POU3F3: variants seen among roughly 807,000 people sequenced by gnomAD.
POU3F3 encodes POU domain, class 3, transcription factor 3.
In POU3F3, 1 loss-of-function variant was observed where a neutral mutation model predicts 8.6. That is an observed-to-expected ratio of 0.12 (90% CI 0.04 to 0.55). The LOEUF (loss-of-function observed/expected upper bound fraction) is 0.55, where lower values mean the gene tolerates loss of function less well. POU3F3 is among the 20% of genes least tolerant of loss of function. POU3F3 has a pLI of 0.91. For missense variants in POU3F3, 577 were observed against 690.7 expected, an observed-to-expected ratio of 0.84 and a Z score of 1.84; for synonymous variants, 418 against 327.4, an observed-to-expected ratio of 1.28 and a Z score of -2.99.
the POU3F3 span, among the ~76,000 whole-genome samples, chr2:104,879,863 T>C: frequency 1.3e-5 from 2 of 152,282 alleles, no homozygotes; most frequent in South Asian, 4.1e-4. Context: ...ACCACGTGGT[T>C]CTTTGGGGAA....
the POU3F3 span, among the ~76,000 whole-genome samples, chr2:104,922,392 C>CAAAAAAAAAAAA: frequency 1.4e-5 from 1 of 71,012 alleles, no homozygotes; most frequent in Non-Finnish European, 2.8e-5. Context: ...TGAAGATGCT[C>CAAAAAAAAAAAA]AAAAAAAAAA....
At chr2:104,919,734 C>T in the POU3F3 span, among the ~76,000 whole-genome samples, 1 of 152,206 alleles carries the variant, frequency 6.6e-6, no homozygotes, top group African/African-American at 2.4e-5. Flanking sequence ...ACCATTTACC[C>T]TCTCCTCTTC....
downstream of POU3F3, among the ~76,000 whole-genome samples, chr2:104,860,660 C>A (rs1465537891): frequency 2.6e-5 from 4 of 151,870 alleles, no homozygotes; most frequent in Non-Finnish European, 1.5e-5. Flanking sequence ...TCCAAGCCTC[C>A]GTCGCTCCCA....
At chr2:104,868,316 A>T in the POU3F3 span, 3 of 456,736 alleles carry the variant, frequency 6.6e-6, no homozygotes, top group South Asian at 4.6e-5. Flanking sequence ...GAGCAGGTGC[A>T]AGAACAGTGC....
the POU3F3 span, chr2:104,865,354 A>G: frequency 6.6e-6 from 1 of 152,240 alleles, no homozygotes; most frequent in African/African-American, 2.4e-5. Context: ...GTATGTCTGG[A>G]GCTTTGTAAG....
the POU3F3 span, among the ~76,000 whole-genome samples, chr2:104,895,943 C>T: frequency 1.2e-4 from 18 of 152,200 alleles, no homozygotes; most frequent in Non-Finnish European, 1.3e-4. Context: ...TCTAGAGTCA[C>T]CTCCAAGAAG....
chr2:104,855,633 G>A lies in POU3F3; in HGVS notation c.123G>A (p.Gly41=). Residue 41 remains glycine, a synonymous_variant, in exon 1 of 1, where the codon GGG becomes GGA. Coordinates refer to ENST00000361360, the MANE Select transcript of POU3F3 (RefSeq NM_006236.3). ...GGGGTGGCGGCGGCGGCGGCGGCGG[G>A]GGCGGCGCAGGGGGCGGGGGCGGCG... ...GGGGGGGGGG[G]GGAGGGGGGM... 3 of 966,690 alleles carry A rather than the reference G, an allele frequency of 3.1e-6. No homozygotes were observed. The highest frequency in any genetic ancestry group is 3.7e-6 in the Non-Finnish European group (3 of 817,840). 59.9% of individuals were successfully genotyped at this position (966,690 alleles called of 1,614,324 possible).
the POU3F3 span, chr2:104,872,620 C>T: frequency 3.9e-6 from 1 of 258,794 alleles, no homozygotes; most frequent in Non-Finnish European, 7.5e-6. The surrounding 1 kb of genome is among the most constrained non-coding windows in gnomAD (Gnocchi z 4.6). Flanking sequence ...TCGGCGCGCG[C>T]GGAAACCCAG....
the POU3F3 span, among the ~76,000 whole-genome samples, chr2:104,882,570 TCTTC>T: frequency 1.3e-5 from 2 of 152,192 alleles, no homozygotes; most frequent in Non-Finnish European, 2.9e-5. Context: ...ACTGTGCTTT[TCTTC>T]CTTCAGCCTC....
chr2:104,908,288 G>A, the POU3F3 span, among the ~76,000 whole-genome samples: 1 of 152,112 alleles, frequency 6.6e-6, no homozygotes, highest in Admixed American at 6.5e-5. Context: ...AAAATGCTTT[G>A]GGATGAGTAC....
chr2:104,882,562 T>C, the POU3F3 span, among the ~76,000 whole-genome samples: 1 of 152,206 alleles, frequency 6.6e-6, no homozygotes, highest in Non-Finnish European at 1.5e-5. Context: ...TATTTTTAAC[T>C]GTGCTTTTCT....
the POU3F3 span, among the ~76,000 whole-genome samples, chr2:104,896,058 C>A: frequency 6.6e-6 from 1 of 152,088 alleles, no homozygotes; most frequent in African/African-American, 2.4e-5. Context: ...GAAGCCTGAG[C>A]GGCAGGGAGC....
chr2:104,892,240 A>T, the POU3F3 span, among the ~76,000 whole-genome samples: 1 of 152,150 alleles, frequency 6.6e-6, no homozygotes, highest in East Asian at 1.9e-4. Flanking sequence ...ATGGCCCATC[A>T]CAGAGAGAGC....
chr2:104,860,880 A>G (rs1364289636), downstream of POU3F3, among the ~76,000 whole-genome samples: 2 of 145,888 alleles, frequency 1.4e-5, no homozygotes, highest in Non-Finnish European at 3.0e-5. Context: ...GTGTTTGCTC[A>G]TGACCATGCT....
chr2:104,856,140 C>T lies in POU3F3; in HGVS notation c.630C>T (p.Ala210=). The T allele has an allele frequency of 9.9e-6, 12 of 1,216,080 alleles. No individual in the cohort carries two copies. The South Asian group carries it at 1.8e-4, about 18-fold the overall frequency. 75.3% of individuals were successfully genotyped at this position (1,216,080 alleles called of 1,614,324 possible). A position where few individuals can be genotyped will look rare whatever the true frequency, so the allele number is the denominator to read the frequency against. The part of the protein sequence containing the change: ...AAAAAHLPSM[A]GGQQPPPQSL... ...CCGCCGCGCACCTCCCGTCCATGGC[C>T]GGGGGCCAGCAGCCGCCGCCGCAGA... The change falls in exon 1 of 1, where the codon GCC becomes GCT. Residue 210 remains alanine, a synonymous_variant. Transcript: ENST00000361360.
chr2:104,882,506 C>T, the POU3F3 span, among the ~76,000 whole-genome samples: 1 of 152,118 alleles, frequency 6.6e-6, no homozygotes, highest in African/African-American at 2.4e-5. Context: ...CCCGCCTCGG[C>T]TTCCGAAAGT....
chr2:104,920,030 T>C, the POU3F3 span, among the ~76,000 whole-genome samples: 1 of 152,194 alleles, frequency 6.6e-6, no homozygotes, highest in South Asian at 2.1e-4. Context: ...TTTATTATTA[T>C]TTGAGATGGA....
the POU3F3 span, among the ~76,000 whole-genome samples, chr2:104,895,458 C>T: frequency 1.3e-5 from 2 of 152,156 alleles, no homozygotes; most frequent in African/African-American, 4.8e-5. Context: ...GAAAAGTACA[C>T]TAAATTATGT....
chr2:104,881,227 G>A, the POU3F3 span, among the ~76,000 whole-genome samples: 1 of 151,260 alleles, frequency 6.6e-6, no homozygotes, highest in Non-Finnish European at 1.5e-5. Flanking sequence ...GTGCAATCAT[G>A]GCTAACTGCA....
Sources: allele counts gnomAD v4.1 joint callset (sites outside exome capture counted in the v4.1 genomes callset), GRCh38; gene constraint gnomAD v4.1.1; non-coding constraint Gnocchi (gnomAD v3.1); transcripts MANE v1.5; gene names NCBI Gene and HGNC (gene_info 2026-07-23, HGNC 2026-07-21).